The following KCNN2 variants were observed in gnomAD, a reference collection of about 807,000 sequenced individuals.
KCNN2 encodes small conductance calcium-activated potassium channel protein 2.
KCNN2 carries 24 observed loss-of-function variants against 55.5 expected under a neutral mutation model. That is an observed-to-expected ratio of 0.43 (90% CI 0.31 to 0.61). The LOEUF is 0.61. KCNN2 is among the 20% of genes least tolerant of loss of function. KCNN2 has a pLI of 0.08. For missense variants in KCNN2, 754 were observed against 853.6 expected, an observed-to-expected ratio of 0.88 and a Z score of 1.45; for synonymous variants, 431 against 336.1, an observed-to-expected ratio of 1.28 and a Z score of -3.09.
intron 1 of KCNN2, among the ~76,000 whole-genome samples, chr5:114,160,017 G>A (rs1252856947): frequency 6.6e-6 from 1 of 152,050 alleles, no homozygotes; most frequent in African/African-American, 2.4e-5. Flanking sequence ...GTTCTGCTCT[G>A]ATGTTAGTTA....
chr5:114,346,742 C>A (rs184284187), intron 2 of KCNN2, among the ~76,000 whole-genome samples: 4 of 136,440 alleles, frequency 2.9e-5, no homozygotes, highest in Admixed American at 1.6e-4. Context: ...CCTTTGTATG[C>A]ATATGTTGGT....
intron 2 of KCNN2, among the ~76,000 whole-genome samples, chr5:114,364,843 TG>T (rs1455506146): frequency 6.6e-6 from 1 of 151,842 alleles, no homozygotes; most frequent in African/African-American, 2.4e-5. Context: ...GGAGGCGCGG[TG>T]GCTCAGTCCT....
rs370339891 is a variant in KCNN2 at position 114,323,868 on chromosome 5, T to C, written c.-184-37077T>C. Among the ~76,000 whole-genome samples the C allele has an allele frequency of 5.4e-4, 82 of 151,956 alleles. No individual in the cohort carries two copies. The East Asian group carries it at 0.011, about 21-fold the overall frequency. On this transcript the variant is annotated intron_variant, in intron 2 of 10. Coordinates refer to the KCNN2 transcript ENST00000512097. ...TTCACCATGTTGGCCAGGATGGTCT[T>C]AATCTCTTGACCTCATGATATGCCC...
Position 114,265,567 on chromosome 5 carries a change from A to G in KCNN2, c.-185+44002A>G, listed in dbSNP as rs867277664. ...AGAAAGACCAGTGTCCTAGCTCAAC[A>G]GTCAGGCAGGAGGAGTTCCCTCTTA... On this transcript the variant is annotated intron_variant, in intron 2 of 10. Coordinates refer to the KCNN2 transcript ENST00000512097. Among the ~76,000 whole-genome samples, 17 of 152,146 alleles carry G rather than the reference A, an allele frequency of 1.1e-4. 1 individual carries two copies. The highest frequency in any genetic ancestry group is 2.2e-4 in the Non-Finnish European group (15 of 68,028).
At chr5:114,155,675 T>C (rs1445958759) in intron 1 of KCNN2, among the ~76,000 whole-genome samples, 1 of 152,146 alleles carries the variant, frequency 6.6e-6, no homozygotes, top group East Asian at 1.9e-4. Context: ...TGGCCACATG[T>C]ATATCTTCTT....
At chr5:114,171,284 T>A (rs1753027926) in intron 1 of KCNN2, among the ~76,000 whole-genome samples, 1 of 152,006 alleles carries the variant, frequency 6.6e-6, no homozygotes, top group African/African-American at 2.4e-5. Flanking sequence ...AGAAAACCTT[T>A]GCAGTTCTCT....
chr5:114,312,761 C>G (rs572877560), intron 2 of KCNN2, among the ~76,000 whole-genome samples: 3 of 152,004 alleles, frequency 2.0e-5, no homozygotes, highest in South Asian at 4.2e-4. Flanking sequence ...TTCCTAGCAA[C>G]CTCCCAGTTT....
At chr5:114,072,980 A>T (rs1358844808) in intron 1 of KCNN2, among the ~76,000 whole-genome samples, 1 of 152,234 alleles carries the variant, frequency 6.6e-6, no homozygotes, top group African/African-American at 2.4e-5. Flanking sequence ...GGTAATACAT[A>T]GTGACTGTGG....
In KCNN2 at chr5:114,090,008, G is replaced by T. The variant is rs372369564; in HGVS notation, c.-271+33508G>T. ...GGTGGTCTGGATATTTATTCTCATAGTTATGCCTCAAGAAAAGCTGGCAAG... is the reference window on the plus strand; with the variant it reads ...GGTGGTCTGGATATTTATTCTCATATTTATGCCTCAAGAAAAGCTGGCAAG... On this transcript the variant is annotated intron_variant, in intron 1 of 10. Coordinates refer to the KCNN2 transcript ENST00000512097. 8.8e-4 allele frequency among the ~76,000 whole-genome samples: 134 copies of T among 152,252 alleles called. 4 individuals carry two copies. Among genetic ancestry groups the T allele is most frequent in the African/African-American group, 3.0e-3 (126 of 41,558 alleles).
In KCNN2 at chr5:114,202,582, TA is replaced by T. The variant is rs1189333524; in HGVS notation, c.-270-18897del. On this transcript the variant is annotated intron_variant, in intron 1 of 10. Transcript: ENST00000512097. ...ATATGTGTGTGTATATATATATATA[TA>T]TATTTTTTTTTTTTTTTTCCCGAGA... 7.4e-3 allele frequency among the ~76,000 whole-genome samples: 582 copies of T among 78,532 alleles called. 5 individuals are homozygous for T. The highest frequency in any genetic ancestry group is 0.013 in the South Asian group (31 of 2,330). 51.5% of individuals were successfully genotyped at this position (78,532 alleles called of 152,430 possible). A position where few individuals can be genotyped will look rare whatever the true frequency, so the allele number is the denominator to read the frequency against.
At chr5:114,219,397 G>T (rs1237350300) in intron 1 of KCNN2, among the ~76,000 whole-genome samples, 2 of 152,178 alleles carry the variant, frequency 1.3e-5, no homozygotes. Context: ...GACGGTAAAT[G>T]TGGGGGATTT....
intron 1 of KCNN2, among the ~76,000 whole-genome samples, chr5:114,172,747 T>G (rs1420616719): frequency 6.6e-6 from 1 of 151,608 alleles, no homozygotes; most frequent in African/African-American, 2.4e-5. Flanking sequence ...TTTTGAGAAA[T>G]GTCTATTCAG....
intron 1 of KCNN2, among the ~76,000 whole-genome samples, chr5:114,137,853 G>A (rs1226836249): frequency 2.0e-5 from 3 of 152,060 alleles, no homozygotes; most frequent in African/African-American, 7.2e-5. Context: ...GTAAATATTG[G>A]GGGAAACAAT....
At chr5:114,460,017 A>G (rs930413705) in intron 3 of KCNN2, among the ~76,000 whole-genome samples, 5 of 152,116 alleles carry the variant, frequency 3.3e-5, no homozygotes, top group African/African-American at 1.2e-4. Flanking sequence ...GTTTTCAGTC[A>G]TTTACTGCCC....
chr5:114,123,351 A>ATTTTTTTT (rs1172994171), intron 1 of KCNN2, among the ~76,000 whole-genome samples: 1 of 65,008 alleles, frequency 1.5e-5, no homozygotes, highest in Admixed American at 1.7e-4. Context: ...CATTTTCTTA[A>ATTTTTTTT]TTTTTTTTTT....
intron 1 of KCNN2, among the ~76,000 whole-genome samples, chr5:114,062,345 G>A (rs986384734): frequency 5.3e-5 from 8 of 152,188 alleles, no homozygotes; most frequent in Admixed American, 2.0e-4. Flanking sequence ...GATTTTGGCT[G>A]TAGTGGTTCA....
Position 114,222,699 on chromosome 5 carries a change from TA to T in KCNN2, c.-185+1142del, listed in dbSNP as rs928790797. Reference sequence around the variant, plus strand: ...TTTGTTTTTACCATAAGACAGTGATTAAAAAAAAGAAGCTGAATGAGACATT... The same window carrying T: ...TTTGTTTTTACCATAAGACAGTGATTAAAAAAAGAAGCTGAATGAGACATT... On this transcript the variant is annotated intron_variant, in intron 2 of 10. Transcript: ENST00000512097. Among the ~76,000 whole-genome samples, 6 of 151,910 alleles carry T rather than the reference TA, an allele frequency of 3.9e-5. No individual in the cohort carries two copies. In the South Asian group the frequency reaches 8.3e-4, roughly 21 times the overall value.
chr5:114,332,425 G>A (rs751028611), intron 2 of KCNN2, among the ~76,000 whole-genome samples: 27 of 152,208 alleles, frequency 1.8e-4, no homozygotes, highest in Non-Finnish European at 5.9e-5. Context: ...AAGATTCTGG[G>A]AAAATTTAGT....
At chr5:114,124,788 T>C (rs1751897822) in intron 1 of KCNN2, among the ~76,000 whole-genome samples, 1 of 152,228 alleles carries the variant, frequency 6.6e-6, no homozygotes, top group East Asian at 1.9e-4. Flanking sequence ...CAGCTCAATG[T>C]AACCTTTTTT....
Sources: allele counts gnomAD v4.1 joint callset (sites outside exome capture counted in the v4.1 genomes callset), GRCh38; gene constraint gnomAD v4.1.1; transcripts MANE v1.5; gene names NCBI Gene and HGNC (gene_info 2026-07-23, HGNC 2026-07-21).